The following COG3 variants were observed in gnomAD, a reference collection of about 807,000 sequenced individuals.
COG3 encodes component of oligomeric golgi complex 3.
A neutral mutation model predicts 114.1 loss-of-function variants in COG3; 32 were observed. That is an observed-to-expected ratio of 0.28 (90% CI 0.21 to 0.38). COG3 has a LOEUF of 0.38. Among genes scored for constraint, COG3 ranks in the 10% least tolerant of loss-of-function variants. The pLI is 1.00. For synonymous variants in COG3, 352 were observed against 365.7 expected (o/e 0.96, Z 0.43); for missense variants, 813 against 973.2 (o/e 0.84, Z 2.19).
chr13:45,525,633 G>GTTTTTTTTTTTTTTTTTT (rs1566273037), intron 20 of COG3, among the ~76,000 whole-genome samples: 10 of 13,926 alleles, frequency 7.2e-4, no homozygotes, highest in African/African-American at 3.6e-3. Flanking sequence ...GAGGGCTTTG[G>GTTTTTTTTTTTTTTTTTT]GTTTTTTTTT....
At chr13:45,481,455 A>G (rs1886243607) in intron 5 of COG3, 151 bp downstream of exon 5, 1 of 581,134 alleles carries the variant, frequency 1.7e-6, no homozygotes, top group African/African-American at 1.9e-5. Flanking sequence ...GACAGTGGAG[A>G]TACCATTACC....
intron 7 of COG3, 57 bp downstream of exon 7, chr13:45,483,412 C>T: frequency 1.4e-6 from 2 of 1,401,358 alleles, no homozygotes; most frequent in Non-Finnish European, 1.9e-6. Flanking sequence ...TTGATTCATT[C>T]ATCTTCCATA....
intron 21 of COG3, 77 bp from the exon 22 acceptor site, chr13:45,530,605 T>C: frequency 3.4e-6 from 3 of 890,396 alleles, no homozygotes; most frequent in South Asian, 1.3e-5. Flanking sequence ...TTGGCAAATA[T>C]CATTACAATT....
At chr13:45,534,602 C>G in intron 22 of COG3, 100 bp from the exon 23 acceptor site, 1 of 727,828 alleles carries the variant, frequency 1.4e-6, no homozygotes, top group Non-Finnish European at 2.3e-6. Flanking sequence ...TTGCATGATG[C>G]TGAGGTTTTT....
rs1313009391 is a variant in COG3 at position 45,482,366 on chromosome 13, C to G, written c.625-15C>G. On this transcript the variant is annotated splice_polypyrimidine_tract_variant and intron_variant, in intron 5 of 22. Coordinates refer to ENST00000349995, the MANE Select transcript of COG3 (RefSeq NM_031431.4). ...ATTTTTTATGAATTAAGATTGTTTT[C>G]TTTTTCTCTTAAAGAAATTGAATTC... The G allele has an allele frequency of 9.7e-6, 13 of 1,338,360 alleles. No homozygotes were observed. Among genetic ancestry groups the G allele is most frequent in the African/African-American group, 1.5e-5 (1 of 67,848 alleles). The allele number at this position is 1,338,360 out of a possible 1,614,324, so 82.9% of individuals were successfully genotyped here.
intron 1 of COG3, 21 bp downstream of exon 1, chr13:45,465,231 CG>C (rs1566235875): frequency 2.5e-6 from 4 of 1,610,372 alleles, no homozygotes; most frequent in South Asian, 2.2e-5. Context: ...GGGCAGGAAC[CG>C]GGCCGGGGCG....
rs1266550747 is a variant in COG3 at position 45,511,587 on chromosome 13, A to G, written c.1720-178A>G. ...AGGGATGACTGCATATTACATATCTATGTGTTGGTTTAGAAAGGTTGCATG... is the reference window on the plus strand; with the variant it reads ...AGGGATGACTGCATATTACATATCTGTGTGTTGGTTTAGAAAGGTTGCATG... On this transcript the variant is annotated intron_variant, in intron 15 of 22. Coordinates refer to ENST00000349995, the MANE Select transcript of COG3 (RefSeq NM_031431.4). Among the ~76,000 whole-genome samples, 7 of 152,234 alleles carry G rather than the reference A, an allele frequency of 4.6e-5. No homozygotes were observed. In the East Asian group the frequency reaches 1.2e-3, roughly 25 times the overall value.
intron 16 of COG3, among the ~76,000 whole-genome samples, chr13:45,514,200 AC>A (rs1871284546): frequency 9.0e-6 from 1 of 110,776 alleles, no homozygotes; most frequent in Admixed American, 1.4e-4. Flanking sequence ...TCACTCTGTC[AC>A]CCACGCTGGA....
intron 14 of COG3, among the ~76,000 whole-genome samples, chr13:45,503,912 A>T (rs1869827682): frequency 6.6e-6 from 1 of 152,148 alleles, no homozygotes; most frequent in Admixed American, 6.5e-5. Flanking sequence ...TTTTGTAAGC[A>T]TACTGAGTGT....
intron 18 of COG3, 27 bp downstream of exon 18, chr13:45,518,877 G>A: frequency 6.2e-7 from 1 of 1,610,442 alleles, no homozygotes; most frequent in East Asian, 2.2e-5. Context: ...TTCATTGGTG[G>A]TGGGAGATAA....
At chr13:45,486,325 C>T (rs1412802709) in intron 7 of COG3, among the ~76,000 whole-genome samples, 170 bp from the exon 8 acceptor site, 2 of 27,934 alleles carry the variant, frequency 7.2e-5, no homozygotes, top group East Asian at 1.0e-3. Flanking sequence ...AGACGGGAGA[C>T]GGGAGACGGG....
At chr13:45,520,056 A>G (rs564067458) in intron 19 of COG3, among the ~76,000 whole-genome samples, 1 of 152,336 alleles carries the variant, frequency 6.6e-6, no homozygotes, top group African/African-American at 2.4e-5. Context: ...AAACAGGAGG[A>G]TCGCTCGAGC....
intron 6 of COG3, among the ~76,000 whole-genome samples, chr13:45,482,776 G>A (rs1886328975): frequency 6.6e-6 from 1 of 152,200 alleles, no homozygotes; most frequent in Admixed American, 6.5e-5. Context: ...AACAGGATGA[G>A]CCGTTTTTAA....
At chr13:45,521,080 A>G (rs1397639470) in intron 19 of COG3, among the ~76,000 whole-genome samples, 1 of 152,168 alleles carries the variant, frequency 6.6e-6, no homozygotes, top group African/African-American at 2.4e-5. Flanking sequence ...GCTACTCTGG[A>G]TGTCTGAGGT....
At chr13:45,472,797 C>A (rs2137778743) in intron 1 of COG3, among the ~76,000 whole-genome samples, 1 of 152,316 alleles carries the variant, frequency 6.6e-6, no homozygotes, top group East Asian at 1.9e-4. Flanking sequence ...ATTTTAGATT[C>A]CTTGTCTGAT....
intron 2 of COG3, among the ~76,000 whole-genome samples, chr13:45,476,578 C>T (rs180801291): frequency 2.8e-4 from 42 of 152,170 alleles, no homozygotes; most frequent in African/African-American, 9.9e-4. Context: ...CATGTTTGGA[C>T]GTTGATAGAT....
At chr13:45,493,547 AAT>A in intron 12 of COG3, 61 bp downstream of exon 12, 2 of 1,482,504 alleles carry the variant, frequency 1.3e-6, no homozygotes, top group Non-Finnish European at 1.8e-6. Flanking sequence ...TTGAAAAAAA[AAT>A]AAGTGCTTCT....
At chr13:45,471,213 G>C (rs1394963365) in intron 1 of COG3, among the ~76,000 whole-genome samples, 1 of 151,606 alleles carries the variant, frequency 6.6e-6, no homozygotes, top group Admixed American at 6.6e-5. Context: ...AGAATAGCTT[G>C]GGTAACATAG....
In COG3 at chr13:45,531,040, C is replaced by T. The variant is rs1873124233; in HGVS notation, c.2457+260C>T. On this transcript the variant is annotated intron_variant, in intron 22 of 22. Coordinates refer to ENST00000349995, the MANE Select transcript of COG3 (RefSeq NM_031431.4). The stretch of plus-strand genomic sequence containing the variant: ...AATATTGCTGTGTTTAAGAGAATGA[C>T]CTGTTTGTAAAAGACTCAAATAGTG... 2.8e-6 allele frequency: 3 copies of T among 1,062,724 alleles called. No individual in the cohort carries two copies. In the African/African-American group the frequency reaches 5.0e-5, roughly 18 times the overall value. The allele number at this position is 1,062,724 out of a possible 1,614,324, so 65.8% of individuals were successfully genotyped here.
Sources: gnomAD v4.1 joint callset for allele counts (sites outside exome capture counted in the v4.1 genomes callset) on GRCh38, gnomAD v4.1.1 for gene constraint, MANE v1.5 for transcripts, NCBI Gene and HGNC (gene_info 2026-07-23, HGNC 2026-07-21) for gene names.